Variants in MITF observed in about 807,000 individuals in gnomAD.
MITF encodes the protein melanocyte inducing transcription factor, also known as microphthalmia-associated transcription factor.
In MITF, 17 loss-of-function variants were observed where a neutral mutation model predicts 60.5. That is an observed-to-expected ratio of 0.28 (90% CI 0.19 to 0.42). The LOEUF is 0.42. MITF is among the 10% of genes least tolerant of loss of function. The probability of loss-of-function intolerance (pLI) is 1.00; values close to 1 mark genes in which losing one functional copy is unlikely to be tolerated. For synonymous variants in MITF, 260 were observed against 248.5 expected (o/e 1.05, Z -0.43); for missense variants, 622 against 683.5 (o/e 0.91, Z 1.00).
At chr3:69,783,283 C>G (rs2062594915) in intron 1 of MITF, among the ~76,000 whole-genome samples, 1 of 152,142 alleles carries the variant, frequency 6.6e-6, no homozygotes, top group Non-Finnish European at 1.5e-5. Flanking sequence ...TGCTCCTTGT[C>G]TCTCTTGCCC....
intron 2 of MITF, among the ~76,000 whole-genome samples, chr3:69,916,422 T>C (rs1170313894): frequency 6.6e-6 from 1 of 152,194 alleles, no homozygotes; most frequent in Non-Finnish European, 1.5e-5. Context: ...CTTGAGTCTT[T>C]AATAATAAAA....
At chr3:69,888,516 A>C (rs1375725889) in intron 2 of MITF, among the ~76,000 whole-genome samples, 1 of 151,688 alleles carries the variant, frequency 6.6e-6, no homozygotes. Context: ...CTGGGAAATA[A>C]GTACGGGATA....
intron 1 of MITF, among the ~76,000 whole-genome samples, chr3:69,857,689 A>G (rs1032353266): frequency 7.2e-5 from 11 of 152,196 alleles, no homozygotes; most frequent in Admixed American, 3.3e-4. Flanking sequence ...GTCTGTTTAA[A>G]TTAATAAATA....
At chr3:69,821,998 C>G (rs1002296623) in intron 1 of MITF, among the ~76,000 whole-genome samples, 1 of 152,198 alleles carries the variant, frequency 6.6e-6, no homozygotes, top group African/African-American at 2.4e-5. Flanking sequence ...CCGCCTTGGC[C>G]TCTCAAAGTG....
At chr3:69,782,809 A>G (rs142763789) in intron 1 of MITF, among the ~76,000 whole-genome samples, 1 of 152,180 alleles carries the variant, frequency 6.6e-6, no homozygotes, top group African/African-American at 2.4e-5. Flanking sequence ...ACTTCAGTAA[A>G]TCTAGGAATA....
intron 2 of MITF, among the ~76,000 whole-genome samples, chr3:69,900,285 A>G (rs1666915910): frequency 6.6e-6 from 1 of 152,122 alleles, no homozygotes; most frequent in Non-Finnish European, 1.5e-5. Context: ...TTATTTTTGC[A>G]TCAATAATAA....
intron 1 of MITF, among the ~76,000 whole-genome samples, chr3:69,814,616 G>A (rs981795237): frequency 6.6e-6 from 1 of 151,940 alleles, no homozygotes; most frequent in African/African-American, 2.4e-5. Context: ...CAGTGTGCCC[G>A]GCCCCATTCT....
intron 1 of MITF, among the ~76,000 whole-genome samples, chr3:69,873,241 T>C (rs558281180): frequency 6.6e-6 from 1 of 152,296 alleles, no homozygotes; most frequent in African/African-American, 2.4e-5. Context: ...AGTTTCTTAT[T>C]AGTATTTTTT....
chr3:69,863,793 C>G (rs1275121312), intron 1 of MITF, among the ~76,000 whole-genome samples: 1 of 152,156 alleles, frequency 6.6e-6, no homozygotes, highest in African/African-American at 2.4e-5. Context: ...AACTCCTGGT[C>G]TTAAGCAAAC....
intron 1 of MITF, among the ~76,000 whole-genome samples, chr3:69,835,294 A>G (rs1490246895): frequency 6.6e-6 from 1 of 152,104 alleles, no homozygotes; most frequent in Non-Finnish European, 1.5e-5. Flanking sequence ...CTGGGATTGC[A>G]GGCATGCACC....
At chr3:69,856,295 T>C (rs903582712) in intron 1 of MITF, among the ~76,000 whole-genome samples, 2 of 152,152 alleles carry the variant, frequency 1.3e-5, no homozygotes, top group Non-Finnish European at 2.9e-5. Context: ...ATATTACATG[T>C]TTTAAAGGAA....
intron 1 of MITF, among the ~76,000 whole-genome samples, chr3:69,748,535 C>T (rs1029864169): frequency 1.5e-4 from 23 of 152,276 alleles, no homozygotes; most frequent in Non-Finnish European, 4.4e-5. Context: ...GCCACCATGC[C>T]CGGCCAGAGT....
intron 2 of MITF, among the ~76,000 whole-genome samples, chr3:69,903,337 A>G (rs2065032172): frequency 6.6e-6 from 1 of 152,184 alleles, no homozygotes; most frequent in South Asian, 2.1e-4. Context: ...AGTTTAGAAC[A>G]TTAGATCAAT....
chr3:69,923,120 A>G (rs1242767224), intron 2 of MITF, among the ~76,000 whole-genome samples: 1 of 152,230 alleles, frequency 6.6e-6, no homozygotes, highest in Non-Finnish European at 1.5e-5. Flanking sequence ...AGGCCCTCTG[A>G]ACAGTTTCAA....
chr3:69,887,584 A>C (rs2064651666), intron 2 of MITF, among the ~76,000 whole-genome samples: 1 of 152,120 alleles, frequency 6.6e-6, no homozygotes, highest in African/African-American at 2.4e-5. Context: ...TAACTTTATG[A>C]AAAGGAAATG....
At chr3:69,805,113 C>T (rs935678732) in intron 1 of MITF, among the ~76,000 whole-genome samples, 1 of 152,118 alleles carries the variant, frequency 6.6e-6, no homozygotes, top group Non-Finnish European at 1.5e-5. Context: ...ATAATTTTGC[C>T]TTGTAACTTT....
intron 1 of MITF, among the ~76,000 whole-genome samples, chr3:69,863,129 A>G (rs1045306944): frequency 1.3e-5 from 2 of 152,188 alleles, no homozygotes; most frequent in African/African-American, 4.8e-5. Flanking sequence ...TCATCAAGCC[A>G]TGGACTGTTT....
intron 1 of MITF, among the ~76,000 whole-genome samples, chr3:69,804,041 A>G (rs754242519): frequency 1.3e-5 from 2 of 152,190 alleles, no homozygotes; most frequent in Non-Finnish European, 2.9e-5. Flanking sequence ...GCGGTTGAAC[A>G]CCACAAAACA....
intron 9 of MITF, among the ~76,000 whole-genome samples, chr3:69,963,252 G>A (rs939328771): frequency 6.6e-6 from 1 of 152,178 alleles, no homozygotes; most frequent in Non-Finnish European, 1.5e-5. Flanking sequence ...TCTTATAGAT[G>A]AGAACGTACT....
Sources: allele counts gnomAD v4.1 joint callset (sites outside exome capture counted in the v4.1 genomes callset), GRCh38; gene constraint gnomAD v4.1.1; transcripts MANE v1.5; gene names NCBI Gene and HGNC (gene_info 2026-07-23, HGNC 2026-07-21).